RFTN1: variants seen among roughly 807,000 people sequenced by gnomAD.
RFTN1 encodes the protein raftlin, lipid raft linker 1.
In RFTN1, 26 loss-of-function variants were observed where a neutral mutation model predicts 46.5. The observed-to-expected ratio is 0.56, with a 90% CI of 0.41 to 0.78. RFTN1 has a LOEUF of 0.78. Among genes scored for constraint, RFTN1 ranks in the 30% least tolerant of loss-of-function variants. RFTN1 has a pLI of 0.00. For synonymous variants in RFTN1, 261 were observed against 284.2 expected (o/e 0.92, Z 0.82); for missense variants, 693 against 718.7 (o/e 0.96, Z 0.41).
At chr3:16,415,480 C>A (rs1395697422) in intron 3 of RFTN1, among the ~76,000 whole-genome samples, 1 of 147,358 alleles carries the variant, frequency 6.8e-6, no homozygotes, top group Non-Finnish European at 1.5e-5. Flanking sequence ...GAAGTCTGGA[C>A]TGCAGGAGAA....
At chr3:16,482,215 G>A (rs970607752) in intron 2 of RFTN1, among the ~76,000 whole-genome samples, 7 of 152,174 alleles carry the variant, frequency 4.6e-5, no homozygotes, top group African/African-American at 1.7e-4. Context: ...CTGCGGCTCT[G>A]TAAGACAAGA....
rs1290009861 is a variant in RFTN1 at position 16,400,664 on chromosome 3, A to C, written c.441+8711T>G. Among the ~76,000 whole-genome samples, 1 of 152,118 alleles carries C rather than the reference A, an allele frequency of 6.6e-6. No individual in the cohort carries two copies. Among genetic ancestry groups the C allele is most frequent in the African/African-American group, 2.4e-5 (1 of 41,416 alleles). On this transcript the variant is annotated intron_variant, in intron 4 of 9. Transcript: ENST00000334133. This position sits in a 1 kb window ranked among gnomAD's most constrained non-coding sequence, Gnocchi z 4.5. ...CAAGAAAGTATCTCCTTTTTTGGGG[A>C]GTGATTGAGACAAGCGTATGACCCC...
At position 16,402,539 on chromosome 3, in the gene RFTN1, T is replaced by C. The variant is rs1384791696; in HGVS notation, c.441+6836A>G. Among the ~76,000 whole-genome samples the C allele has an allele frequency of 6.6e-6, 1 of 152,184 alleles. No homozygotes were observed. Among genetic ancestry groups the C allele is most frequent in the East Asian group, 1.9e-4 (1 of 5,200 alleles). On this transcript the variant is annotated intron_variant, in intron 4 of 9. Transcript: ENST00000334133. The surrounding 1 kb of genome is among the most constrained non-coding windows in gnomAD (Gnocchi z 4.5). ...TTTTAACATAATTTTCATTTCACTC[T>C]GAATTGGCATCTTACCCTAATTAAA...
chr3:16,415,086 G>A (rs1304142533), intron 3 of RFTN1, among the ~76,000 whole-genome samples: 1 of 152,180 alleles, frequency 6.6e-6, no homozygotes, highest in Non-Finnish European at 1.5e-5. Flanking sequence ...GTCCAGGCAA[G>A]GGATGATGAT....
chr3:16,323,013 GAC>G (rs1430550714), intron 9 of RFTN1, among the ~76,000 whole-genome samples: 1 of 152,148 alleles, frequency 6.6e-6, no homozygotes, highest in African/African-American at 2.4e-5. Flanking sequence ...ATGAGATTAA[GAC>G]ACAAAGAAAC....
chr3:16,413,205 C>A lies in RFTN1; in HGVS notation c.333-3722G>T, dbSNP rs2075008569. Among the ~76,000 whole-genome samples, 1 of 152,232 alleles carries A rather than the reference C, an allele frequency of 6.6e-6. No individual in the cohort carries two copies. The highest frequency in any genetic ancestry group is 2.4e-5 in the African/African-American group (1 of 41,466). ...ACCCACTGGTGACCAGGCCTAGGCCCAAACCCACAAAATCCAGCCAGACAT... is the reference window on the plus strand; with the variant it reads ...ACCCACTGGTGACCAGGCCTAGGCCAAAACCCACAAAATCCAGCCAGACAT... On this transcript the variant is annotated intron_variant, in intron 3 of 9. Transcript: ENST00000334133. This position sits in a 1 kb window ranked among gnomAD's most constrained non-coding sequence, Gnocchi z 4.7.
In RFTN1 at chr3:16,338,276, G is replaced by T. The variant is rs1426798633; in HGVS notation, c.1147-11400C>A. ...CCTGCATGAGCAGAATGAGAACCAG[G>T]CAAGGCATGCAACCACGCAAGGCTC... On this transcript the variant is annotated intron_variant, in intron 7 of 9. Transcript: ENST00000334133. The surrounding 1 kb of genome is among the most constrained non-coding windows in gnomAD (Gnocchi z 5.3). 1.3e-5 allele frequency among the ~76,000 whole-genome samples: 2 copies of T among 152,234 alleles called. No homozygotes were observed. The highest frequency in any genetic ancestry group is 2.9e-5 in the Non-Finnish European group (2 of 68,040).
intron 6 of RFTN1, among the ~76,000 whole-genome samples, chr3:16,365,760 A>G (rs2073125356): frequency 6.6e-6 from 1 of 152,232 alleles, no homozygotes; most frequent in African/African-American, 2.4e-5. Flanking sequence ...TCCAGGTTAC[A>G]GGAAATAGAG....
At chr3:16,325,184 C>T (rs1388520718) in intron 8 of RFTN1, among the ~76,000 whole-genome samples, 1 of 152,152 alleles carries the variant, frequency 6.6e-6, no homozygotes, top group Non-Finnish European at 1.5e-5. Flanking sequence ...CATAATGGCT[C>T]ATTTAAGCTT....
intron 2 of RFTN1, among the ~76,000 whole-genome samples, chr3:16,464,380 C>T (rs1370762597): frequency 2.6e-5 from 4 of 152,136 alleles, no homozygotes; most frequent in Non-Finnish European, 4.4e-5. Context: ...ATTTTAGCCC[C>T]CTACTCCTCA....
Position 16,428,016 on chromosome 3 carries a change from A to C in RFTN1, c.332+5835T>G, listed in dbSNP as rs2075317194. Among the ~76,000 whole-genome samples the C allele has an allele frequency of 6.8e-6, 1 of 147,800 alleles. No homozygotes were observed. Among genetic ancestry groups the C allele is most frequent in the Admixed American group, 6.7e-5 (1 of 15,014 alleles). ...TTACCTGGGCAATTATATAATTTGC[A>C]CATATATTTTGCAGCTCCCTAGTAG... On this transcript the variant is annotated intron_variant, in intron 3 of 9. Transcript: ENST00000334133. The surrounding 1 kb of genome is among the most constrained non-coding windows in gnomAD (Gnocchi z 4.7).
At chr3:16,495,532 A>C (rs2076610720) in intron 1 of RFTN1, among the ~76,000 whole-genome samples, 2 of 152,228 alleles carry the variant, frequency 1.3e-5, no homozygotes, top group African/African-American at 2.4e-5. Context: ...CTATAACACA[A>C]GATGGGAAAA....
intron 2 of RFTN1, among the ~76,000 whole-genome samples, chr3:16,492,154 G>A (rs937280574): frequency 3.3e-5 from 5 of 152,170 alleles, no homozygotes; most frequent in Admixed American, 6.5e-5. Flanking sequence ...CAAGGGCACC[G>A]GAAGGGAGCA....
chr3:16,363,424 G>T (rs2072956763), intron 6 of RFTN1, among the ~76,000 whole-genome samples: 1 of 152,208 alleles, frequency 6.6e-6, no homozygotes, highest in African/African-American at 2.4e-5. Flanking sequence ...CCCTCGTACT[G>T]TATAAATATT....
intron 2 of RFTN1, chr3:16,482,786 CT>C: frequency 1.3e-6 from 2 of 1,536,214 alleles, no homozygotes; most frequent in Non-Finnish European, 1.7e-6. Flanking sequence ...AATACATCAG[CT>C]GCAGGGATCC....
chr3:16,476,706 G>A (rs2076286302), intron 2 of RFTN1, among the ~76,000 whole-genome samples: 1 of 152,146 alleles, frequency 6.6e-6, no homozygotes, highest in Non-Finnish European at 1.5e-5. Context: ...GCTATAAGAG[G>A]TATTTGGAGC....
At position 16,334,323 on chromosome 3, in the gene RFTN1, T is replaced by C. The variant is rs2125259084; in HGVS notation, c.1147-7447A>G. 1.3e-5 allele frequency among the ~76,000 whole-genome samples: 2 copies of C among 152,330 alleles called. No individual in the cohort carries two copies. Among genetic ancestry groups the C allele is most frequent in the East Asian group, 3.9e-4 (2 of 5,192 alleles). ...TGTACATTGCTAGTGGAAGGGCTCA[T>C]TGATTCAACCCTCCTGGAGAACAGT... On this transcript the variant is annotated intron_variant, in intron 7 of 9. Transcript: ENST00000334133. This position sits in a 1 kb window ranked among gnomAD's most constrained non-coding sequence, Gnocchi z 4.3.
intron 2 of RFTN1, among the ~76,000 whole-genome samples, chr3:16,444,915 T>G (rs2075699027): frequency 6.6e-6 from 1 of 152,222 alleles, no homozygotes; most frequent in South Asian, 2.1e-4. Context: ...ACTGTATGTA[T>G]AGCTCACATT....
chr3:16,399,213 A>G (rs1375188082), intron 4 of RFTN1, among the ~76,000 whole-genome samples: 1 of 152,206 alleles, frequency 6.6e-6, no homozygotes, highest in East Asian at 1.9e-4. Flanking sequence ...TATATTAAGG[A>G]GAACAATGAA....
Sources: allele counts gnomAD v4.1 joint callset (sites outside exome capture counted in the v4.1 genomes callset), GRCh38; gene constraint gnomAD v4.1.1; non-coding constraint Gnocchi (gnomAD v3.1); transcripts MANE v1.5; gene names NCBI Gene and HGNC (gene_info 2026-07-23, HGNC 2026-07-21).